SRI: variants seen among roughly 807,000 people sequenced by gnomAD.
The protein encoded by SRI is sorcin.
Under a neutral mutation model 33.3 loss-of-function variants are expected in SRI, and 30 were observed. The observed-to-expected ratio is 0.90, with a 90% confidence interval of 0.67 to 1.22. The LOEUF is 1.22. Ranked by LOEUF, SRI falls within the 50% of genes most tolerant of loss-of-function variation. SRI has a pLI of 0.00. For missense variants in SRI, 243 were observed against 250.8 expected, an observed-to-expected ratio of 0.97 and a Z score of 0.21; for synonymous variants, 75 against 89.9, an observed-to-expected ratio of 0.83 and a Z score of 0.94.
upstream of SRI, chr7:88,220,217 CTTTGCCA>C: frequency 3.0e-6 from 4 of 1,312,464 alleles, no homozygotes; most frequent in Non-Finnish European, 3.9e-6. Flanking sequence ...TTCTTCGTAT[CTTTGCCA>C]TTACGGCGCT....
chr7:88,210,955 T>G (rs1159559676), intron 3 of SRI, 30 bp from the exon 4 acceptor site: 1 of 1,593,140 alleles, frequency 6.3e-7, no homozygotes. Flanking sequence ...ACATACATAT[T>G]AACACAAATC....
At position 88,209,965 on chromosome 7, in the gene SRI, C is replaced by T. The variant is rs1851533325; in HGVS notation, c.397+18G>A. 1.2e-6 allele frequency: 2 copies of T among 1,613,928 alleles called. No homozygotes were observed. The highest frequency in any genetic ancestry group is 1.3e-5 in the African/African-American group (1 of 74,900). ...TACTTCTACCAATGAATGGAGAGTT[C>T]TAGTAAGCCATACCTACCCATTGTT... On this transcript the variant is annotated intron_variant, in intron 5 of 7. Transcript: ENST00000265729.
In SRI at chr7:88,206,457, T is replaced by C. The variant is rs1226382291; in HGVS notation, c.*21A>G. On this transcript the variant is annotated 3_prime_UTR_variant, in exon 8 of 8. Coordinates refer to ENST00000265729, the MANE Select transcript of SRI (RefSeq NM_003130.4). ...AGCTCCAGTTGGAATGTTGATTACA[T>C]TCATGCAGCTTCCTCTTGATTTAAA... 4 of 1,613,886 alleles carry C rather than the reference T, an allele frequency of 2.5e-6. No individual in the cohort carries two copies. The South Asian group carries it at 3.3e-5, about 13-fold the overall frequency.
chr7:88,221,504 AAGAGT>A (rs1393264371), upstream of SRI, among the ~76,000 whole-genome samples: 1 of 152,204 alleles, frequency 6.6e-6, no homozygotes, highest in Non-Finnish European at 1.5e-5. Context: ...ACCGACTATA[AAGAGT>A]AGATGTCAGG....
In SRI at chr7:88,210,863, C is replaced by G. The variant is rs1413353248; in HGVS notation, c.249+19G>C. On this transcript the variant is annotated intron_variant, in intron 4 of 7. Transcript: ENST00000265729. ...TTTTAGAAAAAATTATTCTAGACAA[C>G]AATCAAAGTAAAGGATACATCCAGC... The G allele has an allele frequency of 1.2e-6, 2 of 1,610,620 alleles. No homozygotes were observed. Among genetic ancestry groups the G allele is most frequent in the South Asian group, 2.2e-5 (2 of 90,492 alleles).
intron 3 of SRI, among the ~76,000 whole-genome samples, chr7:88,213,275 A>G (rs1484396228): frequency 6.6e-6 from 1 of 152,182 alleles, no homozygotes; most frequent in Non-Finnish European, 1.5e-5. Flanking sequence ...ACCCAGTATC[A>G]GTGATCTACT....
At chr7:88,214,948 G>T in intron 3 of SRI, 1 of 615,728 alleles carries the variant, frequency 1.6e-6, no homozygotes, top group Non-Finnish European at 2.7e-6. Context: ...TAAATTCAGG[G>T]AAAAAAGAGA....
intron 2 of SRI, among the ~76,000 whole-genome samples, chr7:88,217,956 A>C (rs1851774739): frequency 6.6e-6 from 1 of 152,176 alleles, no homozygotes; most frequent in Non-Finnish European, 1.5e-5. Context: ...CCAGTTTTAG[A>C]CTATATTTTC....
chr7:88,223,804 C>A (rs910720752), upstream of SRI, among the ~76,000 whole-genome samples: 1 of 152,092 alleles, frequency 6.6e-6, no homozygotes, highest in Non-Finnish European at 1.5e-5. Context: ...CTCCAGAATG[C>A]GGGCTTATGA....
chr7:88,214,515 A>C (rs960384237), intron 3 of SRI, among the ~76,000 whole-genome samples: 4 of 152,178 alleles, frequency 2.6e-5, no homozygotes, highest in Admixed American at 2.0e-4. Flanking sequence ...CATTCTAGAC[A>C]GTTCCAATGA....
intron 6 of SRI, 102 bp downstream of exon 6, chr7:88,209,237 G>GA: frequency 1.0e-6 from 1 of 986,352 alleles, no homozygotes; most frequent in Non-Finnish European, 1.5e-6. Flanking sequence ...ACTAAAGCAA[G>GA]AAAAAATTTG....
At chr7:88,219,032 G>T (rs1004499769) in intron 1 of SRI, 90 bp from the exon 2 acceptor site, 10 of 1,060,618 alleles carry the variant, frequency 9.4e-6, no homozygotes, top group Non-Finnish European at 1.4e-5. Flanking sequence ...CCAGACAACT[G>T]CCCGCCTGCC....
Position 88,214,931 on chromosome 7 carries a change from G to A in SRI, c.205+2191C>T, listed in dbSNP as rs1048138602. On this transcript the variant is annotated intron_variant, in intron 3 of 7. Transcript: ENST00000265729. ...TGTTTCTCTCAACCTTATCACAGAC[G>A]AACAACTAAATTCAGGGAAAAAAGA... 38 of 737,148 alleles carry A rather than the reference G, an allele frequency of 5.2e-5. 1 individual carries two copies. The highest frequency in any genetic ancestry group is 2.4e-4 in the South Asian group (17 of 69,870). The allele number at this position is 737,148 out of a possible 1,614,324, so 45.7% of individuals were successfully genotyped here.
upstream of SRI, among the ~76,000 whole-genome samples, chr7:88,223,431 G>A (rs1269360343): frequency 6.6e-6 from 1 of 152,068 alleles, no homozygotes; most frequent in Non-Finnish European, 1.5e-5. Flanking sequence ...GCAGGTAAAG[G>A]GCCAGGTAGT....
intron 6 of SRI, 138 bp from the exon 7 acceptor site, chr7:88,208,703 A>G: frequency 7.6e-7 from 1 of 1,322,608 alleles, no homozygotes; most frequent in Non-Finnish European, 1.0e-6. Context: ...ACAAAAGACC[A>G]AAGCAAAGAA....
At chr7:88,207,082 A>G (rs772096991) in intron 7 of SRI, among the ~76,000 whole-genome samples, 8 of 152,068 alleles carry the variant, frequency 5.3e-5, no homozygotes, top group Non-Finnish European at 1.2e-4. Context: ...ACATAAAGCA[A>G]TAGATTCTGC....
intron 6 of SRI, chr7:88,209,135 T>A: frequency 2.4e-6 from 1 of 420,554 alleles, no homozygotes; most frequent in Non-Finnish European, 4.2e-6. Context: ...TTTATTTTAA[T>A]GGCAGATTAC....
chr7:88,219,986 T>G lies in SRI; in HGVS notation c.41A>C (p.Tyr14Ser). 6.5e-7 allele frequency: 1 copy of G among 1,539,012 alleles called. No individual in the cohort carries two copies. The highest frequency in any genetic ancestry group is 8.7e-7 in the Non-Finnish European group (1 of 1,146,506). ...PGHPGAGGGY[Y>S]PGGYGGAPGG... is the part of the protein sequence containing the mutation. ...GCAGTCAGCACTTACCCCGCCTGGG[T>G]AGTACCCGCCGCCGGCGCCAGGATG... is the stretch of plus-strand genomic sequence containing the variant. Residue 14 changes from tyrosine to serine, a missense_variant, in exon 1 of 8, where the codon TAC (tyrosine) becomes TCC (serine). Tyr to Ser is a moderately radical substitution (Grantham distance 144). Transcript: ENST00000265729.
chr7:88,219,829 G>C, intron 1 of SRI, 147 bp downstream of exon 1: 4 of 989,218 alleles, frequency 4.0e-6, no homozygotes, highest in South Asian at 1.6e-5. Flanking sequence ...CCTAGGGCGA[G>C]GCCGCGAGCG....
Sources: allele counts gnomAD v4.1 joint callset (sites outside exome capture counted in the v4.1 genomes callset), GRCh38; gene constraint gnomAD v4.1.1; transcripts MANE v1.5; gene names NCBI Gene and HGNC (gene_info 2026-07-23, HGNC 2026-07-21).